The following OSCP1 variants were observed in gnomAD, a reference collection of about 807,000 sequenced individuals.
OSCP1 encodes the protein organic solute carrier partner 1.
A neutral mutation model predicts 45.1 loss-of-function variants in OSCP1; 35 were observed. The ratio of observed to expected loss-of-function variants is 0.78; its 90% CI spans 0.59 to 1.03. OSCP1 has a LOEUF of 1.03. Among genes scored for constraint, OSCP1 ranks in the 50% least tolerant of loss-of-function variants. OSCP1 has a pLI of 0.00. For synonymous variants in OSCP1, 179 were observed against 180.1 expected (o/e 0.99, Z 0.05); for missense variants, 400 against 470.7 (o/e 0.85, Z 1.39).
chr1:36,448,444 C>A (rs1338020386), intron 1 of OSCP1, among the ~76,000 whole-genome samples: 1 of 152,170 alleles, frequency 6.6e-6, no homozygotes, highest in Non-Finnish European at 1.5e-5. Flanking sequence ...TTTGTGATCA[C>A]TAATTTATTC....
rs971690836 is a variant in OSCP1 at position 36,426,144 on chromosome 1, A to G, written c.517-2678T>C. Among the ~76,000 whole-genome samples the G allele has an allele frequency of 5.3e-5, 8 of 152,192 alleles. 1 individual carries two copies. The highest frequency in any genetic ancestry group is 4.6e-4 in the Admixed American group (7 of 15,274). On this transcript the variant is annotated intron_variant, in intron 4 of 9. Coordinates refer to ENST00000235532, the MANE Select transcript of OSCP1 (RefSeq NM_145047.5). ...AAGGGATGTGAGTACAAGAAAGGAG[A>G]AAGAAAATTTAGAGGGAGAATTGGG... is the stretch of plus-strand genomic sequence containing the variant.
intron 7 of OSCP1, 197 bp downstream of exon 7, chr1:36,421,953 A>AT (rs1212667187): frequency 6.6e-6 from 4 of 602,680 alleles, no homozygotes; most frequent in African/African-American, 1.9e-5. Flanking sequence ...AAATTACCTA[A>AT]TTAGTGAGAT....
chr1:36,444,053 A>G, intron 1 of OSCP1: 1 of 1,609,420 alleles, frequency 6.2e-7, no homozygotes, highest in Non-Finnish European at 8.5e-7. Context: ...GCATACAAAA[A>G]GAAAACACCA....
intron 3 of OSCP1, among the ~76,000 whole-genome samples, 166 bp downstream of exon 3, chr1:36,432,256 G>A (rs1352272426): frequency 6.6e-6 from 1 of 152,166 alleles, no homozygotes; most frequent in Non-Finnish European, 1.5e-5. Context: ...GATGATGCCT[G>A]TTACATTACC....
Position 36,418,051 on chromosome 1 carries a change from G to C in OSCP1, c.*88C>G, listed in dbSNP as rs1647377330. ...AATGGCTTCACTCAGTAGAAAACTA[G>C]CAGCATCATTCTGGGCCATGGGGCA... On this transcript the variant is annotated 3_prime_UTR_variant, in exon 10 of 10. Coordinates refer to ENST00000235532, the MANE Select transcript of OSCP1 (RefSeq NM_145047.5). The C allele has an allele frequency of 3.0e-6, 3 of 993,008 alleles. No homozygotes were observed. Among genetic ancestry groups the C allele is most frequent in the Non-Finnish European group, 4.6e-6 (3 of 652,708 alleles). 61.5% of individuals were successfully genotyped at this position (993,008 alleles called of 1,614,324 possible).
chr1:36,438,696 GATC>G, intron 2 of OSCP1, 57 bp downstream of exon 2: 2 of 1,544,508 alleles, frequency 1.3e-6, no homozygotes, highest in Non-Finnish European at 1.7e-6. Context: ...CCCAGTCTAT[GATC>G]ATCCACAAAA....
At chr1:36,424,629 G>C (rs1647855613) in intron 4 of OSCP1, among the ~76,000 whole-genome samples, 1 of 152,200 alleles carries the variant, frequency 6.6e-6, no homozygotes, top group South Asian at 2.1e-4. Context: ...GGCTGGGGCA[G>C]GGGGATCCAG....
chr1:36,422,894 A>G lies in OSCP1; in HGVS notation c.623T>C (p.Met208Thr), dbSNP rs1223823341. The change falls in exon 6 of 10, where the codon ATG becomes ACG. Residue 208 changes from methionine (M) to threonine (T), a missense_variant and splice_region_variant. Coordinates refer to ENST00000235532, the MANE Select transcript of OSCP1 (RefSeq NM_145047.5). The stretch of plus-strand genomic sequence containing the variant: ...CACTTCTTCACCTTTGTTGTTGAAC[A>G]TTCTACAATACAAAGTATGACATGA... ...WGTEVPGLIR[M>T]FNNKGEEVKR... 6.2e-7 allele frequency: 1 copy of G among 1,600,758 alleles called. No homozygotes were observed.
chr1:36,425,680 C>G lies in OSCP1; in HGVS notation c.517-2214G>C, dbSNP rs190004510. Among the ~76,000 whole-genome samples, 39 of 150,666 alleles carry G rather than the reference C, an allele frequency of 2.6e-4. No individual in the cohort carries two copies. The East Asian group carries it at 6.8e-3, about 26-fold the overall frequency. ...CCCAGGAGGTGGAGGTTGCATTGAG[C>G]TGAGACCTTGTCACTGTATTCCAGC... On this transcript the variant is annotated intron_variant, in intron 4 of 9. Transcript: ENST00000235532.
intron 2 of OSCP1, 116 bp from the exon 3 acceptor site, chr1:36,432,705 A>G (rs955850045): frequency 8.5e-7 from 1 of 1,172,928 alleles, no homozygotes; most frequent in African/African-American, 1.5e-5. Context: ...CTTGCCATAC[A>G]GCTCGGGGGA....
In OSCP1 at chr1:36,447,579, GC is replaced by G. The variant is rs532058004; in HGVS notation, c.112+2678del. Among the ~76,000 whole-genome samples, 23 of 152,278 alleles carry G rather than the reference GC, an allele frequency of 1.5e-4. No homozygotes were observed. The South Asian group carries it at 4.8e-3, about 32-fold the overall frequency. ...TGAACTTTGGAGCCTGATGCCTTGG[GC>G]TCAAATCCTTTACTTTTCCTCCTAC... On this transcript the variant is annotated intron_variant, in intron 1 of 9. Coordinates refer to ENST00000235532, the MANE Select transcript of OSCP1 (RefSeq NM_145047.5). The surrounding 1 kb of genome is among the most constrained non-coding windows in gnomAD (Gnocchi z 4.1).
At chr1:36,439,247 G>A (rs1648965337) in intron 1 of OSCP1, among the ~76,000 whole-genome samples, 1 of 150,448 alleles carries the variant, frequency 6.6e-6, no homozygotes, top group South Asian at 2.1e-4. Context: ...CTGGCTGGGT[G>A]TGGTGGCTCA....
chr1:36,439,610 T>C (rs1648992478), intron 1 of OSCP1, among the ~76,000 whole-genome samples: 1 of 152,232 alleles, frequency 6.6e-6, no homozygotes, highest in Non-Finnish European at 1.5e-5. Flanking sequence ...ACAATGGTAA[T>C]TGACTCTTAA....
At chr1:36,438,381 T>C (rs1648897837) in intron 2 of OSCP1, among the ~76,000 whole-genome samples, 1 of 150,642 alleles carries the variant, frequency 6.6e-6, no homozygotes, top group Non-Finnish European at 1.5e-5. Context: ...TCCCAGCTAC[T>C]TGGGAGTCTG....
At chr1:36,435,932 G>A (rs868760642) in intron 2 of OSCP1, among the ~76,000 whole-genome samples, 12 of 150,366 alleles carry the variant, frequency 8.0e-5, no homozygotes, top group South Asian at 4.2e-4. Flanking sequence ...GCGCCTGGCC[G>A]AGTTAAAGTA....
At chr1:36,420,311 G>T in intron 8 of OSCP1, 165 bp downstream of exon 8, 1 of 869,750 alleles carries the variant, frequency 1.1e-6, no homozygotes, top group Non-Finnish European at 1.7e-6. Context: ...GAAGATTCAG[G>T]CCATTTCATC....
intron 4 of OSCP1, chr1:36,428,201 A>AAAAAAAAAAAAAT: frequency 7.5e-7 from 1 of 1,332,274 alleles, no homozygotes. Flanking sequence ...AAAAAAAAAA[A>AAAAAAAAAAAAAT]AAAAAAAAAG....
intron 4 of OSCP1, 25 bp downstream of exon 4, chr1:36,431,777 T>C (rs1404669770): frequency 6.2e-7 from 1 of 1,608,226 alleles, no homozygotes; most frequent in East Asian, 2.2e-5. Flanking sequence ...CTCCTGAGTG[T>C]TCCCAGGGCT....
At position 36,447,942 on chromosome 1, in the gene OSCP1, A is replaced by C. The variant is rs888965982; in HGVS notation, c.112+2316T>G. 2.9e-4 allele frequency: 132 copies of C among 448,582 alleles called. 2 individuals carry two copies. In the Admixed American group the frequency reaches 3.1e-3, roughly 11 times the overall value. The allele number at this position is 448,582 out of a possible 1,614,324, so 27.8% of individuals were successfully genotyped here. A position where few individuals can be genotyped will look rare whatever the true frequency, so the allele number is the denominator to read the frequency against. ...ATTACTAAAGATGGCCGAAACTCCC[A>C]AAACCATATTTAGCAAAAGCAGAAA... On this transcript the variant is annotated intron_variant, in intron 1 of 9. Transcript: ENST00000235532. This position sits in a 1 kb window ranked among gnomAD's most constrained non-coding sequence, Gnocchi z 4.1.
Sources: allele counts gnomAD v4.1 joint callset (sites outside exome capture counted in the v4.1 genomes callset), GRCh38; gene constraint gnomAD v4.1.1; non-coding constraint Gnocchi (gnomAD v3.1); transcripts MANE v1.5; gene names NCBI Gene and HGNC (gene_info 2026-07-23, HGNC 2026-07-21).